Variants in PTOV1 observed in about 807,000 individuals in gnomAD.
The protein encoded by PTOV1 is prostate tumor-overexpressed gene 1 protein.
Under a neutral mutation model 58.0 loss-of-function variants are expected in PTOV1, and 20 were observed. The observed-to-expected ratio is 0.34, with a 90% CI of 0.24 to 0.50. The LOEUF is 0.50. PTOV1 is among the 20% of genes least tolerant of loss of function. The pLI, the probability that PTOV1 is intolerant of heterozygous loss-of-function variation, is 0.98. For synonymous variants in PTOV1, 335 were observed against 234.2 expected (o/e 1.43, Z -3.93); for missense variants, 593 against 565.4 (o/e 1.05, Z -0.50).
intron 1 of PTOV1, among the ~76,000 whole-genome samples, chr19:49,853,889 C>T (rs1176061685): frequency 6.6e-6 from 1 of 152,180 alleles, no homozygotes; most frequent in Non-Finnish European, 1.5e-5. Flanking sequence ...TGGGCACTGG[C>T]CTGAGCCAGA....
exon 1 of PTOV1, chr19:49,851,280 C>T (rs1244093893): frequency 1.8e-5 from 19 of 1,080,134 alleles, no homozygotes; most frequent in Non-Finnish European, 2.0e-5. Flanking sequence ...AGCCCGCAGC[C>T]CCCCTTGTGG....
intron 1 of PTOV1, among the ~76,000 whole-genome samples, chr19:49,853,709 T>G (rs1181699852): frequency 6.6e-6 from 1 of 152,210 alleles, no homozygotes; most frequent in Non-Finnish European, 1.5e-5. Context: ...TCTCTTGGTG[T>G]TCTACATGTT....
rs758810107 is a variant in PTOV1, at chr19:49,857,686, C to T, written c.715-7C>T. On this transcript the variant is annotated splice_region_variant and splice_polypyrimidine_tract_variant and intron_variant, in intron 6 of 11. Transcript: ENST00000391842. ...GCCCCTCTTCCCACCCCGTTCCCTT[C>T]CAACAGGCAGTGGGACCTGGTGGTG... 6.2e-7 allele frequency: 1 copy of T among 1,613,548 alleles called. No homozygotes were observed. Among genetic ancestry groups the T allele is most frequent in the South Asian group, 1.1e-5 (1 of 90,946 alleles).
At position 49,857,857 on chromosome 19, in the gene PTOV1, T is replaced by TG. The variant is rs779892626; in HGVS notation, c.805-42dup. On this transcript the variant is annotated intron_variant, in intron 7 of 11. Transcript: ENST00000391842. ...TGTGGCTGGGAGGGGACACTGGCAT[T>TG]GGGGGTCTCCAGCCCTGAGGGCTCC... 1.0e-4 allele frequency: 164 copies of TG among 1,612,056 alleles called. No homozygotes were observed. In the South Asian group the frequency reaches 1.6e-3, roughly 16 times the overall value.
chr19:49,851,028 G>C (rs891739612), upstream of PTOV1: 8 of 1,525,208 alleles, frequency 5.2e-6, no homozygotes, highest in African/African-American at 9.7e-5. Context: ...CCCCGCGCCG[G>C]AGAGGCCCGC....
At chr19:49,851,073 G>C, upstream of PTOV1, 1 of 1,466,612 alleles carries the variant, frequency 6.8e-7, no homozygotes, top group Non-Finnish European at 9.0e-7. Context: ...TCCCGCCCGG[G>C]CCCCGCTCCC....
chr19:49,853,514 AATT>A (rs2074338560), intron 1 of PTOV1, among the ~76,000 whole-genome samples: 2 of 151,372 alleles, frequency 1.3e-5, no homozygotes, highest in South Asian at 2.1e-4. Flanking sequence ...AAAAAAAAAA[AATT>A]AGCCGGGCAT....
rs151225873 is a variant in PTOV1, at chr19:49,858,503, C to T, written c.937-46C>T. On this transcript the variant is annotated intron_variant, in intron 9 of 11. Coordinates refer to ENST00000391842, the Ensembl canonical transcript of PTOV1. ...CTCAGCGGGCTGGGAGCCGGGAGGCCGTGGTGGGAGAAGCCAGAGCTGGGG... is the reference window on the plus strand; with the variant it reads ...CTCAGCGGGCTGGGAGCCGGGAGGCTGTGGTGGGAGAAGCCAGAGCTGGGG... 1,672 of 1,485,132 alleles carry T rather than the reference C, an allele frequency of 1.1e-3. 8 individuals carry two copies. The African/African-American group carries it at 0.018, about 16-fold the overall frequency. 92.0% of individuals were successfully genotyped at this position (1,485,132 alleles called of 1,614,324 possible).
intron 9 of PTOV1, chr19:49,858,341 C>T: frequency 2.9e-6 from 2 of 696,568 alleles, no homozygotes; most frequent in Non-Finnish European, 4.8e-6. Context: ...CAGCCACGAC[C>T]TGCACCTGGG....
Position 49,860,028 on chromosome 19 carries a change from C to G in PTOV1, c.1084C>G (p.Arg362Gly). 1 of 1,614,202 alleles carries G rather than the reference C, an allele frequency of 6.2e-7. No individual in the cohort carries two copies. The highest frequency in any genetic ancestry group is 8.5e-7 in the Non-Finnish European group (1 of 1,180,022). Residue 362 changes from arginine to glycine, a missense_variant, in exon 11 of 12, where the codon CGC (arginine) becomes GGC (glycine). Physicochemically the swap from Arg to Gly is moderately radical, Grantham distance 125. Coordinates refer to ENST00000391842, the Ensembl canonical transcript of PTOV1. ...TTCCTACAAAGCATCGTGTGAGATC[C>G]GCGTGCTTATGCTCCTGTACTCTTC...
Position 49,860,269 on chromosome 19 carries a change from T to TG in PTOV1, c.1248dup (p.Ter417ValfsTer24), listed in dbSNP as rs750392317. 16 of 1,610,780 alleles carry TG rather than the reference T, an allele frequency of 9.9e-6. No homozygotes were observed. Among genetic ancestry groups the TG allele is most frequent in the Admixed American group, 1.7e-5 (1 of 59,832 alleles). On this transcript the variant is annotated frameshift_variant and splice_region_variant, in exon 12 of 12. Transcript: ENST00000391842. LOFTEE classifies it high-confidence loss of function. ...CTGGCCTCTGATTTCTCGCCGTAGA[T>TG]GGGGGGGTAGTGGTTACCCCGGGCT...
chr19:49,850,934 C>T (rs1175928915), upstream of PTOV1: 13 of 1,535,876 alleles, frequency 8.5e-6, no homozygotes, highest in East Asian at 2.7e-4. Context: ...GTGTCGCCTT[C>T]GTTCTTCTGC....
rs772092189 is a variant in PTOV1 at position 49,858,563 on chromosome 19, G to A, written c.951G>A (p.Pro317=). Residue 317 remains proline, a synonymous_variant, in exon 10 of 12, where the codon CCG becomes CCA. Transcript: ENST00000391842. ...CTTCCCCGCAGACCACCCTAGTGCC[G>A]CTGTTCCGGAACTCGCGCCTGGTCC... The A allele has an allele frequency of 1.4e-5, 23 of 1,601,382 alleles. No homozygotes were observed. The East Asian group carries it at 1.8e-4, about 13-fold the overall frequency.
At chr19:49,858,162 C>T (rs2074565995) in intron 9 of PTOV1, 48 bp downstream of exon 9, 1 of 1,597,656 alleles carries the variant, frequency 6.3e-7, no homozygotes, top group African/African-American at 1.3e-5. Flanking sequence ...GTAGCTCTTC[C>T]AGAGGGCGGG....
intron 10 of PTOV1, among the ~76,000 whole-genome samples, chr19:49,859,572 C>CA (rs113785990): frequency 0.023 from 2,958 of 127,518 alleles, 70 homozygotes; most frequent in African/African-American, 0.07. Flanking sequence ...AACTCAGTCT[C>CA]AAAAAAAAAA....
chr19:49,851,496 C>T (rs2074245113), exon 1 of PTOV1: 1 of 1,218,364 alleles, frequency 8.2e-7, no homozygotes. Context: ...CGGCCCCTCC[C>T]ATGGTGAGCC....
chr19:49,854,980 G>T, exon 5 of PTOV1: 1 of 1,597,388 alleles, frequency 6.3e-7, no homozygotes, highest in Non-Finnish European at 8.5e-7. Context: ...ACCACCCTGG[G>T]CCCCCTGTTC....
chr19:49,860,275 G>T, exon 12 of PTOV1: 1 of 1,613,616 alleles, frequency 6.2e-7, no homozygotes, highest in Non-Finnish European at 8.5e-7. Context: ...TAGATGGGGG[G>T]GTAGTGGTTA....
At position 49,860,532 on chromosome 19, in the gene PTOV1, G is replaced by A. The variant is rs57173743; in HGVS notation, c.*253G>A. 212 of 611,122 alleles carry A rather than the reference G, an allele frequency of 3.5e-4. 1 individual carries two copies. The African/African-American group carries it at 3.6e-3, about 10-fold the overall frequency. 37.9% of individuals were successfully genotyped at this position (611,122 alleles called of 1,614,324 possible). ...GGAGGTGGTATCCAGGCCTGGGTGG[G>A]GCCAGGCCTCTGCTCACAGGGATGT... On this transcript the variant is annotated 3_prime_UTR_variant, in exon 12 of 12. Coordinates refer to ENST00000391842, the Ensembl canonical transcript of PTOV1.
Sources: allele counts gnomAD v4.1 joint callset (sites outside exome capture counted in the v4.1 genomes callset), GRCh38; gene constraint gnomAD v4.1.1; transcripts MANE v1.5; gene names NCBI Gene and HGNC (gene_info 2026-07-23, HGNC 2026-07-21).